The following EYS variants were observed in gnomAD, a reference collection of about 807,000 sequenced individuals.
EYS encodes the protein EGF-like photoreceptor maintenance factor.
EYS carries 250 observed loss-of-function variants against 282.1 expected under a neutral mutation model. The ratio of observed to expected loss-of-function variants is 0.89; its 90% CI spans 0.80 to 0.98. EYS has a LOEUF of 0.98. Among genes scored for constraint, EYS ranks in the 50% least tolerant of loss-of-function variants. The probability of loss-of-function intolerance (pLI) is 0.00; values close to 1 mark genes in which losing one functional copy is unlikely to be tolerated. For synonymous variants in EYS, 1,355 were observed against 1,282.9 expected (o/e 1.06, Z -1.20); for missense variants, 4,016 against 3,709.0 (o/e 1.08, Z -2.15).
intron 31 of EYS, among the ~76,000 whole-genome samples, chr6:64,152,367 G>A (rs1045804117): frequency 2.0e-5 from 3 of 152,190 alleles, no homozygotes; most frequent in Admixed American, 1.3e-4. Context: ...AGAGACTCAA[G>A]CTATGAATAG....
chr6:64,632,029 G>A, intron 22 of EYS, among the ~76,000 whole-genome samples: 1 of 150,226 alleles, frequency 6.7e-6, no homozygotes, highest in East Asian at 1.9e-4. Flanking sequence ...ATAATTGATA[G>A]GATGTAGTTT....
At chr6:65,361,506 T>C (rs1204063060) in intron 8 of EYS, among the ~76,000 whole-genome samples, 1 of 150,056 alleles carries the variant, frequency 6.7e-6, no homozygotes, top group Non-Finnish European at 1.5e-5. Context: ...TTTTGGTCTG[T>C]GTCTCTCTCT....
intron 1 of EYS, among the ~76,000 whole-genome samples, chr6:65,662,948 C>G (rs191681675): frequency 1.6e-4 from 25 of 152,170 alleles, no homozygotes; most frequent in African/African-American, 5.1e-4. Context: ...AAAAATGAAT[C>G]TACTCTGAAA....
At chr6:64,508,566 A>ATTATTC in intron 26 of EYS, among the ~76,000 whole-genome samples, 1 of 145,850 alleles carries the variant, frequency 6.9e-6, no homozygotes, top group African/African-American at 2.5e-5. Context: ...TATTATTATT[A>ATTATTC]TTATTATTAT....
chr6:64,948,434 T>TA (rs1769366811), intron 14 of EYS, among the ~76,000 whole-genome samples: 2 of 147,822 alleles, frequency 1.4e-5, no homozygotes, highest in South Asian at 4.2e-4. Flanking sequence ...TAGTATTAAA[T>TA]AATATTAAAT....
At chr6:65,204,889 T>C (rs907457708) in intron 12 of EYS, among the ~76,000 whole-genome samples, 1 of 100,994 alleles carries the variant, frequency 9.9e-6, no homozygotes, top group Non-Finnish European at 2.2e-5. Context: ...AACGTATTTA[T>C]ATATTCTGGA....
intron 14 of EYS, among the ~76,000 whole-genome samples, chr6:64,976,634 C>T (rs1770483508): frequency 6.6e-6 from 1 of 151,882 alleles, no homozygotes; most frequent in Non-Finnish European, 1.5e-5. Flanking sequence ...CCTACTAATA[C>T]CATTGCTTTG....
At chr6:63,851,204 G>A (rs1562059776) in intron 36 of EYS, among the ~76,000 whole-genome samples, 1 of 152,174 alleles carries the variant, frequency 6.6e-6, no homozygotes, top group Non-Finnish European at 1.5e-5. Context: ...AAGAGACTTA[G>A]ATTCGCACAC....
At chr6:64,925,174 A>G (rs968223625) in intron 15 of EYS, among the ~76,000 whole-genome samples, 1 of 152,224 alleles carries the variant, frequency 6.6e-6, no homozygotes, top group Non-Finnish European at 1.5e-5. Flanking sequence ...GGTAGTGGCA[A>G]GAGAATAATG....
At chr6:64,659,768 C>T (rs1583008715) in intron 22 of EYS, among the ~76,000 whole-genome samples, 2 of 152,024 alleles carry the variant, frequency 1.3e-5, no homozygotes, top group East Asian at 3.9e-4. Flanking sequence ...AAAAAAAGTG[C>T]AGGACCAGAT....
intron 11 of EYS, among the ~76,000 whole-genome samples, chr6:65,299,738 T>G (rs1312898880): frequency 2.0e-5 from 3 of 152,204 alleles, no homozygotes; most frequent in Admixed American, 2.0e-4. Flanking sequence ...TAACTATTTT[T>G]GTGTTTTCAT....
intron 13 of EYS, among the ~76,000 whole-genome samples, chr6:65,043,090 T>C (rs1452321749): frequency 6.6e-6 from 1 of 151,514 alleles, no homozygotes; most frequent in Non-Finnish European, 1.5e-5. Context: ...CTGTGATTTT[T>C]TGTTAAATCA....
intron 12 of EYS, among the ~76,000 whole-genome samples, chr6:65,283,578 C>T (rs1244804334): frequency 6.6e-6 from 1 of 151,796 alleles, no homozygotes; most frequent in Non-Finnish European, 1.5e-5. Context: ...CCATTCTTTA[C>T]TGATTTTAAT....
At chr6:65,336,216 C>T (rs527298989) in intron 10 of EYS, among the ~76,000 whole-genome samples, 3 of 151,746 alleles carry the variant, frequency 2.0e-5, no homozygotes, top group East Asian at 3.9e-4. Context: ...ACCCAGTTAG[C>T]GAACTGATAT....
At chr6:65,149,132 T>C (rs73439484) in intron 12 of EYS, among the ~76,000 whole-genome samples, 5,004 of 152,228 alleles carry the variant, frequency 0.033, 123 homozygotes, top group African/African-American at 0.068. Context: ...GTTTTACATA[T>C]GCAAATTTCT....
intron 14 of EYS, among the ~76,000 whole-genome samples, chr6:64,964,276 T>C (rs1770024404): frequency 6.6e-6 from 1 of 152,124 alleles, no homozygotes; most frequent in Non-Finnish European, 1.5e-5. Context: ...AATAATCACT[T>C]TTTACCATCT....
intron 29 of EYS, 53 bp downstream of exon 29, chr6:64,388,637 A>AT: frequency 7.3e-7 from 1 of 1,366,064 alleles, no homozygotes; most frequent in Non-Finnish European, 9.7e-7. Flanking sequence ...CAATATGATG[A>AT]TTTTCAATAA....
At chr6:63,766,956 A>G (rs527940346) in intron 40 of EYS, among the ~76,000 whole-genome samples, 1 of 152,098 alleles carries the variant, frequency 6.6e-6, no homozygotes, top group Non-Finnish European at 1.5e-5. Context: ...TTGATTCACC[A>G]CATAAATAGA....
At chr6:65,640,057 G>T (rs942515244) in intron 1 of EYS, among the ~76,000 whole-genome samples, 165 bp from the exon 2 acceptor site, 1 of 152,128 alleles carries the variant, frequency 6.6e-6, no homozygotes, top group African/African-American at 2.4e-5. Context: ...ATTACTGAGA[G>T]AAATAAGATG....
Sources: allele counts gnomAD v4.1 joint callset (sites outside exome capture counted in the v4.1 genomes callset), GRCh38; gene constraint gnomAD v4.1.1; transcripts MANE v1.5; gene names NCBI Gene and HGNC (gene_info 2026-07-23, HGNC 2026-07-21).